Variants in DCLK1 observed in about 807,000 individuals in gnomAD.
The protein encoded by DCLK1 is serine/threonine-protein kinase DCLK1.
DCLK1 carries 16 observed loss-of-function variants against 86.2 expected under a neutral mutation model. That is an observed-to-expected ratio of 0.19 (90% CI 0.13 to 0.28). The LOEUF is 0.28. Ranked by LOEUF, DCLK1 falls within the 10% of genes least tolerant of loss-of-function variation. The pLI, the probability that DCLK1 is intolerant of heterozygous loss-of-function variation, is 1.00. For synonymous variants in DCLK1, 369 were observed against 370.5 expected (o/e 1.00, Z 0.05); for missense variants, 590 against 940.2 (o/e 0.63, Z 4.87).
intron 3 of DCLK1, among the ~76,000 whole-genome samples, chr13:35,952,746 G>A (rs575710547): frequency 1.4e-4 from 22 of 152,142 alleles, no homozygotes; most frequent in African/African-American, 4.6e-4. Flanking sequence ...GTTATTATAC[G>A]GAAATCTAAC....
chr13:35,807,074 A>T (rs2087042149), intron 14 of DCLK1, among the ~76,000 whole-genome samples: 1 of 152,216 alleles, frequency 6.6e-6, no homozygotes, highest in African/African-American at 2.4e-5. Context: ...TTTTTCTCAA[A>T]TTTTTAAACA....
intron 3 of DCLK1, among the ~76,000 whole-genome samples, chr13:36,061,199 C>T (rs1004677961): frequency 8.5e-5 from 13 of 152,072 alleles, no homozygotes; most frequent in African/African-American, 2.9e-4. Context: ...GCATTTGGAG[C>T]AACAGGGAAT....
intron 3 of DCLK1, among the ~76,000 whole-genome samples, chr13:35,959,343 A>G (rs9575002): frequency 0.039 from 5,964 of 152,214 alleles, 254 homozygotes; most frequent in East Asian, 0.22. Context: ...TACACAGTGA[A>G]GTGGGCCAGG....
intron 4 of DCLK1, among the ~76,000 whole-genome samples, chr13:35,906,428 A>T (rs7317635): frequency 0.21 from 32,183 of 151,916 alleles, 3,742 homozygotes; most frequent in East Asian, 0.34. Context: ...TTAAAGAGCT[A>T]TGAGATTTCT....
intron 4 of DCLK1, among the ~76,000 whole-genome samples, chr13:35,942,229 T>C (rs1010971458): frequency 3.3e-5 from 5 of 152,030 alleles, no homozygotes; most frequent in African/African-American, 9.7e-5. Context: ...TGCAGTGGTG[T>C]GATCTTGGCT....
intron 3 of DCLK1, among the ~76,000 whole-genome samples, chr13:36,098,779 A>T (rs1885097412): frequency 6.6e-6 from 1 of 152,116 alleles, no homozygotes; most frequent in Non-Finnish European, 1.5e-5. Context: ...ATGAATGGGA[A>T]CTTTACACAC....
chr13:35,819,681 C>G (rs1012403789), intron 11 of DCLK1, among the ~76,000 whole-genome samples: 1 of 151,846 alleles, frequency 6.6e-6, no homozygotes, highest in South Asian at 2.1e-4. Context: ...TTTATATTAA[C>G]TTTATTATAA....
intron 3 of DCLK1, among the ~76,000 whole-genome samples, chr13:35,962,830 T>C (rs185659445): frequency 2.7e-4 from 41 of 152,366 alleles, no homozygotes; most frequent in Non-Finnish European, 4.4e-4. Context: ...TTATTACTTA[T>C]GCCACCATGA....
chr13:35,874,752 G>C (rs1481001926), intron 4 of DCLK1, among the ~76,000 whole-genome samples: 1 of 152,196 alleles, frequency 6.6e-6, no homozygotes, highest in African/African-American at 2.4e-5. Flanking sequence ...TAACGCCCAA[G>C]GTGTCCGTGG....
intron 4 of DCLK1, among the ~76,000 whole-genome samples, chr13:35,900,801 G>A (rs1008289078): frequency 1.3e-5 from 2 of 152,130 alleles, no homozygotes; most frequent in Admixed American, 1.3e-4. Context: ...TACCTTGGGG[G>A]ACAAAATCCC....
intron 3 of DCLK1, among the ~76,000 whole-genome samples, chr13:36,042,005 T>C (rs536847109): frequency 1.3e-5 from 2 of 152,282 alleles, no homozygotes; most frequent in Admixed American, 1.3e-4. Context: ...GCTACTCTGT[T>C]CCTCCCATTA....
rs543254205 is a variant in DCLK1, at chr13:35,809,945, C to T, written c.1689-850G>A. ...CTCCAACTGGTCACAGGGGAGAGTG[C>T]CACCTAGATTCCCAGCTGTGGACTG... is the stretch of plus-strand genomic sequence containing the variant. On this transcript the variant is annotated intron_variant, in intron 12 of 16. Transcript: ENST00000360631. Among the ~76,000 whole-genome samples, 8 of 152,258 alleles carry T rather than the reference C, an allele frequency of 5.3e-5. No individual in the cohort carries two copies. In the East Asian group the frequency reaches 1.5e-3, roughly 29 times the overall value.
chr13:35,911,101 G>A (rs1874996927), intron 4 of DCLK1, among the ~76,000 whole-genome samples: 1 of 141,352 alleles, frequency 7.1e-6, no homozygotes, highest in Non-Finnish European at 1.5e-5. Flanking sequence ...GGCTAACACG[G>A]TGAAACCCCA....
chr13:35,969,460 C>G (rs1356562114), intron 3 of DCLK1, among the ~76,000 whole-genome samples: 2 of 152,206 alleles, frequency 1.3e-5, no homozygotes, highest in Non-Finnish European at 2.9e-5. Flanking sequence ...CTGGAAGAGA[C>G]AAGGAAGAAT....
chr13:35,862,646 TACC>T (rs945245331), intron 5 of DCLK1, among the ~76,000 whole-genome samples: 1 of 152,216 alleles, frequency 6.6e-6, no homozygotes, highest in African/African-American at 2.4e-5. Flanking sequence ...CCAACGGGGC[TACC>T]ACCATCTTTC....
At chr13:35,911,816 G>GA (rs1265621383) in intron 4 of DCLK1, among the ~76,000 whole-genome samples, 3 of 152,156 alleles carry the variant, frequency 2.0e-5, no homozygotes, top group Admixed American at 6.5e-5. Flanking sequence ...GAGATCCAGA[G>GA]AGCTGATTGG....
chr13:35,924,897 C>G (rs1876024606), intron 4 of DCLK1, among the ~76,000 whole-genome samples: 1 of 152,168 alleles, frequency 6.6e-6, no homozygotes, highest in African/African-American at 2.4e-5. Context: ...TACATGTTTA[C>G]CTATCATCTA....
At chr13:35,983,255 C>T (rs756523194) in intron 3 of DCLK1, among the ~76,000 whole-genome samples, 7 of 152,076 alleles carry the variant, frequency 4.6e-5, no homozygotes, top group African/African-American at 1.4e-4. Flanking sequence ...CCTCCTAAAG[C>T]GCTGGGATTA....
intron 4 of DCLK1, among the ~76,000 whole-genome samples, chr13:35,896,591 G>A (rs1206511729): frequency 2.3e-4 from 30 of 129,944 alleles, no homozygotes; most frequent in Admixed American, 3.3e-4. Context: ...TTGATATATA[G>A]AAAAAAAAAA....
Sources: gnomAD v4.1 joint callset for allele counts (sites outside exome capture counted in the v4.1 genomes callset) on GRCh38, gnomAD v4.1.1 for gene constraint, MANE v1.5 for transcripts, NCBI Gene and HGNC (gene_info 2026-07-23, HGNC 2026-07-21) for gene names.